Variants in NT5DC1 observed in about 807,000 individuals in gnomAD.
NT5DC1 encodes the protein 5'-nucleotidase domain-containing protein 1.
NT5DC1 carries 42 observed loss-of-function variants against 59.4 expected under a neutral mutation model. That is an observed-to-expected ratio of 0.71 (90% CI 0.55 to 0.92). The LOEUF (loss-of-function observed/expected upper bound fraction) is 0.92, where lower values mean the gene tolerates loss of function less well. Among genes scored for constraint, NT5DC1 ranks in the 40% least tolerant of loss-of-function variants. The pLI is 0.00. For missense variants in NT5DC1, 501 were observed against 537.1 expected, an observed-to-expected ratio of 0.93 and a Z score of 0.66; for synonymous variants, 172 against 188.1, an observed-to-expected ratio of 0.91 and a Z score of 0.70.
chr6:116,184,096 G>T (rs1780941304), intron 6 of NT5DC1, among the ~76,000 whole-genome samples: 1 of 151,994 alleles, frequency 6.6e-6, no homozygotes, highest in South Asian at 2.1e-4. Context: ...TTTGCTGAGG[G>T]TTTTAATCAT....
intron 6 of NT5DC1, among the ~76,000 whole-genome samples, chr6:116,192,037 C>T (rs760392028): frequency 9.2e-5 from 14 of 151,944 alleles, no homozygotes; most frequent in African/African-American, 1.4e-4. Context: ...GTTAATCTCC[C>T]GTTAGCCCAT....
intron 1 of NT5DC1, among the ~76,000 whole-genome samples, chr6:116,101,793 C>G (rs138351181): frequency 6.6e-6 from 1 of 152,300 alleles, no homozygotes; most frequent in East Asian, 1.9e-4. Context: ...TTTGGTTTCC[C>G]AATTCCCAAG....
At chr6:116,130,402 C>T (rs1779429928) in intron 6 of NT5DC1, among the ~76,000 whole-genome samples, 1 of 152,114 alleles carries the variant, frequency 6.6e-6, no homozygotes, top group African/African-American at 2.4e-5. Flanking sequence ...GTGAGAGCCT[C>T]TCCTCTACCA....
At chr6:116,105,078 T>C (rs1002799519) in intron 1 of NT5DC1, among the ~76,000 whole-genome samples, 11 of 152,172 alleles carry the variant, frequency 7.2e-5, no homozygotes, top group African/African-American at 2.2e-4. Flanking sequence ...TTGCACTGGA[T>C]GGAAGTACAT....
At chr6:116,225,830 G>A in intron 8 of NT5DC1, among the ~76,000 whole-genome samples, 1 of 152,204 alleles carries the variant, frequency 6.6e-6, no homozygotes. Flanking sequence ...ATGTATATGT[G>A]CTGATGAGAA....
chr6:116,231,132 A>G (rs1452118031), intron 8 of NT5DC1, among the ~76,000 whole-genome samples: 13 of 123,148 alleles, frequency 1.1e-4, no homozygotes, highest in Non-Finnish European at 1.8e-4. Context: ...AAAAAGAACT[A>G]TGAATGAATG....
intron 6 of NT5DC1, among the ~76,000 whole-genome samples, chr6:116,175,521 C>T (rs888126221): frequency 1.3e-5 from 2 of 152,092 alleles, no homozygotes; most frequent in Admixed American, 1.3e-4. Flanking sequence ...TCCATTGTCT[C>T]TCCTCTTTCT....
intron 8 of NT5DC1, among the ~76,000 whole-genome samples, chr6:116,228,002 A>C (rs1161414503): frequency 6.6e-6 from 1 of 152,014 alleles, no homozygotes; most frequent in Non-Finnish European, 1.5e-5. Context: ...TTGTCTGTGC[A>C]TTTCGGGATA....
chr6:116,163,126 C>CAAAA (rs71272373), intron 6 of NT5DC1, among the ~76,000 whole-genome samples: 112 of 84,284 alleles, frequency 1.3e-3, no homozygotes, highest in African/African-American at 4.9e-3. Flanking sequence ...GACTCCGTCT[C>CAAAA]AAAAAAAAAA....
chr6:116,103,067 A>T (rs1778695053), intron 1 of NT5DC1, among the ~76,000 whole-genome samples: 1 of 152,118 alleles, frequency 6.6e-6, no homozygotes, highest in Admixed American at 6.5e-5. Flanking sequence ...ATGCTGCATG[A>T]TATTAACACT....
rs1436182500 is a variant in NT5DC1 at position 116,205,413 on chromosome 6, G to A, written c.530-15641G>A. Among the ~76,000 whole-genome samples the A allele has an allele frequency of 2.6e-5, 4 of 151,648 alleles. No individual in the cohort carries two copies. The East Asian group carries it at 7.8e-4, about 29-fold the overall frequency. ...TCACATATCTTACTTGAGTAATTAC[G>A]AGATAATTTTAAAATAACATTTAAC... is the stretch of plus-strand genomic sequence containing the variant. On this transcript the variant is annotated intron_variant, in intron 6 of 11. Transcript: ENST00000319550.
chr6:116,165,786 C>T (rs1020127116), intron 6 of NT5DC1, among the ~76,000 whole-genome samples: 1 of 152,324 alleles, frequency 6.6e-6, no homozygotes, highest in East Asian at 1.9e-4. Context: ...CCCACAGCTC[C>T]CCAGGGACCT....
chr6:116,109,387 A>G (rs968265036), intron 3 of NT5DC1, among the ~76,000 whole-genome samples: 1 of 152,190 alleles, frequency 6.6e-6, no homozygotes, highest in Non-Finnish European at 1.5e-5. Flanking sequence ...GAGATAGGGT[A>G]TGTGTAAATG....
chr6:116,141,566 T>G (rs745956702), intron 6 of NT5DC1, among the ~76,000 whole-genome samples: 9 of 152,052 alleles, frequency 5.9e-5, no homozygotes, highest in Admixed American at 2.0e-4. Flanking sequence ...AATGTTTCAT[T>G]AATTTTTTTT....
intron 6 of NT5DC1, among the ~76,000 whole-genome samples, chr6:116,203,326 C>T (rs571870847): frequency 4.0e-5 from 6 of 151,870 alleles, no homozygotes; most frequent in Admixed American, 1.3e-4. Flanking sequence ...TAAATGTGAA[C>T]ATATTTTCAG....
rs984140400 is a variant in NT5DC1, at chr6:116,248,060, T to C, written c.*4036T>C. 1 of 152,226 alleles carries C rather than the reference T, an allele frequency of 6.6e-6. No homozygotes were observed. Among genetic ancestry groups the C allele is most frequent in the Non-Finnish European group, 1.5e-5 (1 of 68,030 alleles). 9.4% of individuals were successfully genotyped at this position (152,226 alleles called of 1,614,324 possible). Reference sequence around the variant, plus strand: ...TAAAATGTACCCTTCTCAAAGGCTATTCATGAATAAGCATAACCTTCAACT... The same window carrying C: ...TAAAATGTACCCTTCTCAAAGGCTACTCATGAATAAGCATAACCTTCAACT... On this transcript the variant is annotated 3_prime_UTR_variant, in exon 12 of 12. Transcript: ENST00000319550.
intron 6 of NT5DC1, among the ~76,000 whole-genome samples, chr6:116,183,383 T>A (rs1780928970): frequency 6.6e-6 from 1 of 152,108 alleles, no homozygotes; most frequent in South Asian, 2.1e-4. Context: ...ATATGAATTT[T>A]AGGACTTTTT....
At chr6:116,108,325 A>G in intron 2 of NT5DC1, 39 bp from the exon 3 acceptor site, 1 of 1,278,830 alleles carries the variant, frequency 7.8e-7, no homozygotes, top group Non-Finnish European at 1.1e-6. Context: ...GGTTAGCTAA[A>G]TATAGGAATT....
chr6:116,138,390 G>A (rs1160078640), intron 6 of NT5DC1, among the ~76,000 whole-genome samples: 1 of 152,146 alleles, frequency 6.6e-6, no homozygotes, highest in African/African-American at 2.4e-5. Flanking sequence ...GCTATTCCTT[G>A]TTAAGATTTG....
Sources: gnomAD v4.1 joint callset for allele counts (sites outside exome capture counted in the v4.1 genomes callset) on GRCh38, gnomAD v4.1.1 for gene constraint, MANE v1.5 for transcripts, NCBI Gene and HGNC (gene_info 2026-07-23, HGNC 2026-07-21) for gene names.